UNC13C: variants seen among roughly 807,000 people sequenced by gnomAD.
The protein encoded by UNC13C is unc-13 homolog C, also known as protein unc-13 homolog C.
Under a neutral mutation model 245.4 loss-of-function variants are expected in UNC13C, and 174 were observed. The ratio of observed to expected loss-of-function variants is 0.71; its 90% CI spans 0.63 to 0.80. The LOEUF (loss-of-function observed/expected upper bound fraction) is 0.80, where lower values mean the gene tolerates loss of function less well. UNC13C is among the 30% of genes least tolerant of loss of function. UNC13C has a pLI of 0.00. For missense variants in UNC13C, 2,829 were observed against 2,602.9 expected (o/e 1.09, Z -1.89); for synonymous variants, 992 against 895.1 (o/e 1.11, Z -1.93).
Position 54,293,555 on chromosome 15 carries a change from C to T in UNC13C, c.3819-340C>T, listed in dbSNP as rs146196196. ...TTTTTATGGTGAAGAATTTTCCAAG[C>T]ATGGATATTTTTATCAAGATAACTA... On this transcript the variant is annotated intron_variant, in intron 10 of 32. Coordinates refer to ENST00000260323, the MANE Select transcript of UNC13C (RefSeq NM_001080534.3). Among the ~76,000 whole-genome samples, 1,342 of 152,008 alleles carry T rather than the reference C, an allele frequency of 8.8e-3. 24 individuals carry two copies. Among genetic ancestry groups the T allele is most frequent in the African/African-American group, 0.031 (1,300 of 41,514 alleles).
the UNC13C span, among the ~76,000 whole-genome samples, chr15:53,857,415 C>T: frequency 1.1e-4 from 17 of 152,234 alleles, no homozygotes; most frequent in Admixed American, 1.0e-3. Flanking sequence ...AGGCAGAACA[C>T]AAATAGCATG....
intron 30 of UNC13C, among the ~76,000 whole-genome samples, chr15:54,603,534 CA>C (rs1462227819): frequency 6.6e-6 from 1 of 151,496 alleles, no homozygotes; most frequent in Non-Finnish European, 1.5e-5. Flanking sequence ...TAAGCACTCC[CA>C]CCCCTGAAAC....
At chr15:54,515,868 T>A (rs1381659842) in intron 24 of UNC13C, among the ~76,000 whole-genome samples, 1 of 152,160 alleles carries the variant, frequency 6.6e-6, no homozygotes. Flanking sequence ...CAAAAAAGGA[T>A]TGACTCTTCT....
At chr15:53,955,298 CACAT>C in the UNC13C span, among the ~76,000 whole-genome samples, 3 of 120,296 alleles carry the variant, frequency 2.5e-5, no homozygotes, top group Admixed American at 8.8e-5. Context: ...CACACACACA[CACAT>C]AAAACTAGGA....
intron 30 of UNC13C, among the ~76,000 whole-genome samples, chr15:54,581,561 G>A (rs1311159800): frequency 6.6e-6 from 1 of 152,154 alleles, no homozygotes; most frequent in Non-Finnish European, 1.5e-5. Context: ...CATTTTATAA[G>A]GACACTAATC....
chr15:53,900,588 C>G, the UNC13C span, among the ~76,000 whole-genome samples: 3 of 152,174 alleles, frequency 2.0e-5, no homozygotes, highest in African/African-American at 7.2e-5. Context: ...TACACAATTC[C>G]TCCAAGGAGG....
the UNC13C span, among the ~76,000 whole-genome samples, chr15:53,872,448 A>G: frequency 6.6e-6 from 1 of 152,138 alleles, no homozygotes; most frequent in Non-Finnish European, 1.5e-5. Flanking sequence ...AGTTAGAATT[A>G]TCCTTTATTC....
At chr15:54,203,096 T>C (rs2034575080) in intron 4 of UNC13C, among the ~76,000 whole-genome samples, 1 of 151,912 alleles carries the variant, frequency 6.6e-6, no homozygotes, top group Non-Finnish European at 1.5e-5. Flanking sequence ...TCACTAACTG[T>C]CAGAGAAATG....
At chr15:53,890,698 A>T in the UNC13C span, among the ~76,000 whole-genome samples, 1 of 151,954 alleles carries the variant, frequency 6.6e-6, no homozygotes, top group Non-Finnish European at 1.5e-5. Context: ...TTTCTGTGGG[A>T]TCAGTGGTGA....
At chr15:53,960,164 C>G in the UNC13C span, among the ~76,000 whole-genome samples, 6 of 152,232 alleles carry the variant, frequency 3.9e-5, no homozygotes, top group South Asian at 1.0e-3. Context: ...GGAATGAGAT[C>G]TGGGTTTGGA....
intron 10 of UNC13C, 31 bp downstream of exon 10, chr15:54,265,527 A>G: frequency 7.0e-7 from 1 of 1,420,182 alleles, no homozygotes; most frequent in Non-Finnish European, 9.4e-7. Flanking sequence ...CTTTACAAAT[A>G]TTAAATTATT....
chr15:54,517,021 A>G (rs1349014069), intron 24 of UNC13C, among the ~76,000 whole-genome samples: 1 of 152,142 alleles, frequency 6.6e-6, no homozygotes, highest in African/African-American at 2.4e-5. Context: ...ATTTGCAATC[A>G]TATACAAAAT....
chr15:54,416,025 T>C (rs768292662), intron 19 of UNC13C, among the ~76,000 whole-genome samples: 14 of 152,088 alleles, frequency 9.2e-5, no homozygotes, highest in Non-Finnish European at 1.3e-4. Flanking sequence ...CAAGGTGCAT[T>C]TGAGAAGAGA....
chr15:53,891,987 A>T, the UNC13C span, among the ~76,000 whole-genome samples: 3 of 152,186 alleles, frequency 2.0e-5, no homozygotes, highest in African/African-American at 7.2e-5. Flanking sequence ...ATGTTTTTGC[A>T]GTGGCTGGTA....
the UNC13C span, among the ~76,000 whole-genome samples, chr15:53,895,345 CAAAAAAAAA>C: frequency 1.8e-4 from 6 of 34,278 alleles, no homozygotes; most frequent in Admixed American, 1.8e-3. Flanking sequence ...GATTTCATCT[CAAAAAAAAA>C]AAAAAAAAAA....
At chr15:53,852,113 G>A in the UNC13C span, among the ~76,000 whole-genome samples, 2 of 152,122 alleles carry the variant, frequency 1.3e-5, no homozygotes, top group Non-Finnish European at 2.9e-5. Context: ...GGACAGTCTT[G>A]CAGGATTCAG....
chr15:54,337,179 T>G (rs1001179950), intron 16 of UNC13C, among the ~76,000 whole-genome samples: 1 of 152,172 alleles, frequency 6.6e-6, no homozygotes, highest in African/African-American at 2.4e-5. Flanking sequence ...CTCTACTGCT[T>G]TATTCCTTCT....
At chr15:54,483,080 CT>C (rs1210857586) in intron 19 of UNC13C, among the ~76,000 whole-genome samples, 1 of 152,176 alleles carries the variant, frequency 6.6e-6, no homozygotes, top group East Asian at 1.9e-4. Context: ...ATAGTGAATA[CT>C]AGAGCTGCAA....
chr15:54,336,977 C>A (rs7176207), intron 16 of UNC13C, among the ~76,000 whole-genome samples: 97,676 of 151,916 alleles, frequency 0.64, 32,164 homozygotes, highest in African/African-American at 0.74. Context: ...TTGAGATTGC[C>A]TTTCATCTAT....
Sources: allele counts gnomAD v4.1 joint callset (sites outside exome capture counted in the v4.1 genomes callset), GRCh38; gene constraint gnomAD v4.1.1; transcripts MANE v1.5; gene names NCBI Gene and HGNC (gene_info 2026-07-23, HGNC 2026-07-21).